RTL4: variants seen among roughly 807,000 people sequenced by gnomAD.
The protein encoded by RTL4 is retrotransposon Gag like 4.
A neutral mutation model predicts 5.3 loss-of-function variants in RTL4; 4 were observed. The observed-to-expected ratio is 0.75, with a 90% CI of 0.37 to 1.72. The LOEUF is 1.72. Ranked by LOEUF, RTL4 falls within the 40% of genes most tolerant of loss-of-function variation. RTL4 has a pLI of 0.04. For missense variants in RTL4, 260 were observed against 227.1 expected (o/e 1.14, Z -0.93); for synonymous variants, 98 against 87.3 (o/e 1.12, Z -0.68).
chrX:112,293,916 C>A, the RTL4 span, among the ~76,000 whole-genome samples: 3 of 111,602 alleles, frequency 2.7e-5, no homozygotes, highest in East Asian at 5.6e-4. Flanking sequence ...GCTCAATTGG[C>A]TACTGTCAAT....
the RTL4 span, among the ~76,000 whole-genome samples, chrX:112,132,873 C>T: frequency 8.9e-6 from 1 of 112,488 alleles, no homozygotes; most frequent in Admixed American, 9.4e-5. Context: ...ATTCTTTATA[C>T]ACTCCAGTGC....
the RTL4 span, among the ~76,000 whole-genome samples, chrX:112,121,117 C>G: frequency 3.6e-5 from 4 of 111,846 alleles, no homozygotes. Flanking sequence ...AACAAACCTG[C>G]ACATGTACCC....
At chrX:112,443,524 AGT>A in the RTL4 span, among the ~76,000 whole-genome samples, 27 of 111,999 alleles carry the variant, frequency 2.4e-4, no homozygotes, top group African/African-American at 7.8e-4. Context: ...TGTTCTCCAC[AGT>A]GGTTGTACTA....
chrX:112,224,245 G>A, the RTL4 span, among the ~76,000 whole-genome samples: 1 of 111,338 alleles, frequency 9.0e-6, no homozygotes, highest in South Asian at 3.8e-4. Context: ...CACTACATGA[G>A]CTTGGAGAAT....
chrX:112,429,177 C>T, the RTL4 span, among the ~76,000 whole-genome samples: 3 of 111,434 alleles, frequency 2.7e-5, no homozygotes, highest in Non-Finnish European at 5.7e-5. Context: ...TTAATATCTA[C>T]TATATTGTTA....
the RTL4 span, among the ~76,000 whole-genome samples, chrX:112,325,553 G>T: frequency 8.9e-6 from 1 of 112,100 alleles, no homozygotes; most frequent in Non-Finnish European, 1.9e-5. Flanking sequence ...AATGGGGAAA[G>T]GATTCCCTAT....
chrX:112,230,451 G>C, the RTL4 span, among the ~76,000 whole-genome samples: 1 of 112,304 alleles, frequency 8.9e-6, no homozygotes, highest in African/African-American at 3.2e-5. Context: ...ACTAGGAAAG[G>C]GAATTCCCTG....
At chrX:112,430,629 C>G in the RTL4 span, among the ~76,000 whole-genome samples, 4 of 111,569 alleles carry the variant, frequency 3.6e-5, no homozygotes, top group Non-Finnish European at 7.5e-5. Context: ...ACTCTGTCAC[C>G]CAGGCTGGAG....
At chrX:112,441,417 A>G in the RTL4 span, among the ~76,000 whole-genome samples, 1 of 111,737 alleles carries the variant, frequency 8.9e-6, no homozygotes, top group Non-Finnish European at 1.9e-5. Context: ...ATATTTTTCA[A>G]AAGACAGCGG....
At chrX:112,399,221 G>A in the RTL4 span, among the ~76,000 whole-genome samples, 138 of 111,411 alleles carry the variant, frequency 1.2e-3, 1 homozygote, top group Non-Finnish European at 6.0e-4. Flanking sequence ...TTTTTTATTT[G>A]CTGAAGAATC....
chrX:112,110,856 C>A, the RTL4 span, among the ~76,000 whole-genome samples: 1 of 111,765 alleles, frequency 8.9e-6, no homozygotes, highest in South Asian at 3.8e-4. Context: ...ATCTATCGTT[C>A]TGTCCTGAAG....
chrX:112,328,966 C>G, the RTL4 span, among the ~76,000 whole-genome samples: 2 of 111,465 alleles, frequency 1.8e-5, no homozygotes, highest in African/African-American at 6.5e-5. Context: ...CCAATGAGAA[C>G]AAAGACACAA....
chrX:112,429,153 T>C, the RTL4 span, among the ~76,000 whole-genome samples: 47 of 111,694 alleles, frequency 4.2e-4, no homozygotes, highest in South Asian at 0.016. Context: ...AAGGTGATCA[T>C]TGACATGGTT....
rs773371244 is a variant in RTL4 at position 112,455,192 on chromosome X, G to GA, written c.465dup (p.Asp156ArgfsTer21). On this transcript the variant is annotated frameshift_variant, in exon 1 of 1. Coordinates refer to ENST00000340433, the Ensembl canonical transcript of RTL4. LOFTEE classifies it low-confidence loss of function (END_TRUNC). ...CTGATGAATGCTAAGTTTGACAAAG[G>GA]AGACAACTCCTCTCAGCAGGACCCT... 2.2e-5 allele frequency: 27 copies of GA among 1,209,478 alleles called. No individual in the cohort carries two copies. The Middle Eastern group carries it at 1.1e-3, about 51-fold the overall frequency.
chrX:112,298,341 T>C, the RTL4 span, among the ~76,000 whole-genome samples: 1 of 112,022 alleles, frequency 8.9e-6, no homozygotes, highest in Non-Finnish European at 1.9e-5. Context: ...CAAATACTCA[T>C]AAACATTAGT....
chrX:112,306,701 A>T, the RTL4 span, among the ~76,000 whole-genome samples: 3 of 111,906 alleles, frequency 2.7e-5, no homozygotes, highest in Non-Finnish European at 5.6e-5. Context: ...GAGCTTGTCA[A>T]GTGCTATCTG....
chrX:112,179,027 A>G, the RTL4 span, among the ~76,000 whole-genome samples: 823 of 111,982 alleles, frequency 7.3e-3, 5 homozygotes, highest in South Asian at 0.015. Context: ...TTAGTATTCA[A>G]TGTTTCCTAA....
chrX:112,338,308 A>T, the RTL4 span, among the ~76,000 whole-genome samples: 2 of 111,946 alleles, frequency 1.8e-5, no homozygotes, highest in East Asian at 5.6e-4. Context: ...TGTGATAGTC[A>T]GTTCACCATA....
At chrX:112,317,203 T>C in the RTL4 span, among the ~76,000 whole-genome samples, 1 of 111,255 alleles carries the variant, frequency 9.0e-6, no homozygotes, top group Non-Finnish European at 1.9e-5. Flanking sequence ...TAACCGGGCA[T>C]GGTGGCGTGC....
Sources: allele counts gnomAD v4.1 joint callset (sites outside exome capture counted in the v4.1 genomes callset), GRCh38; gene constraint gnomAD v4.1.1; transcripts MANE v1.5; gene names NCBI Gene and HGNC (gene_info 2026-07-23, HGNC 2026-07-21).